The following RFPL2 variants were observed in gnomAD, a reference collection of about 807,000 sequenced individuals.
RFPL2 encodes the protein ret finger protein-like 2.
RFPL2 carries 13 observed loss-of-function variants against 17.8 expected under a neutral mutation model. The observed-to-expected ratio is 0.73, with a 90% CI of 0.47 to 1.16. The LOEUF is 1.16. RFPL2 is among the 50% of genes most tolerant of loss of function. The pLI is 0.00. For missense variants in RFPL2, 431 were observed against 479.3 expected (o/e 0.90, Z 0.94); for synonymous variants, 189 against 180.9 (o/e 1.04, Z -0.36).
At position 32,191,024 on chromosome 22, in the gene RFPL2, A is replaced by G. The variant is rs1338873245; in HGVS notation, c.885T>C (p.Thr295=). 2 of 1,613,756 alleles carry G rather than the reference A, an allele frequency of 1.2e-6. No homozygotes were observed. Among genetic ancestry groups the G allele is most frequent in the Admixed American group, 1.7e-5 (1 of 59,980 alleles). ...GTAACTTGCGGTCTACGAAGAGGAA[A>G]GTCAGCGGCACCGTGGTGGCAGAGA... ...GRLSATTVPL[T]FLFVDRKLQR... Residue 295 remains threonine (T), a synonymous_variant, in exon 5 of 5, where the codon ACT becomes ACC. Coordinates refer to ENST00000652607, the MANE Select transcript of RFPL2 (RefSeq NM_001394555.1).
rs12484899 is a variant in RFPL2 at position 32,192,349 on chromosome 22, C to T, written c.556+553G>A. On this transcript the variant is annotated intron_variant, in intron 4 of 4. Transcript: ENST00000652607. ...CCAGGACCACTGTTGAAGCCCATGG[C>T]GCATGGATGAGGAGAACACTGTCTG... is the stretch of plus-strand genomic sequence containing the variant. Among the ~76,000 whole-genome samples, 1,437 of 152,276 alleles carry T rather than the reference C, an allele frequency of 9.4e-3. 79 individuals carry two copies. The highest frequency in any genetic ancestry group is 0.086 in the Admixed American group (1,318 of 15,298).
At chr22:32,204,403 G>A (rs1924322484) in intron 1 of RFPL2, among the ~76,000 whole-genome samples, 1 of 152,132 alleles carries the variant, frequency 6.6e-6, no homozygotes, top group South Asian at 2.1e-4. Context: ...CCGTGCTGTA[G>A]GCAGTGCAGC....
intron 2 of RFPL2, among the ~76,000 whole-genome samples, chr22:32,199,500 A>T (rs900376597): frequency 2.0e-5 from 3 of 152,126 alleles, no homozygotes; most frequent in African/African-American, 7.2e-5. Context: ...AAACAGAGCT[A>T]TTAGGTGAGA....
At chr22:32,198,439 G>A (rs1923574164) in intron 2 of RFPL2, among the ~76,000 whole-genome samples, 1 of 151,644 alleles carries the variant, frequency 6.6e-6, no homozygotes, top group Non-Finnish European at 1.5e-5. Flanking sequence ...TGCCCACCGG[G>A]GTCAGTGGTT....
Position 32,202,533 on chromosome 22 carries a change from A to G in RFPL2, c.-82T>C. The G allele has an allele frequency of 6.5e-7, 1 of 1,535,912 alleles. No homozygotes were observed. The highest frequency in any genetic ancestry group is 8.8e-7 in the Non-Finnish European group (1 of 1,141,772). The stretch of plus-strand genomic sequence containing the variant: ...TTCTCAGGGCACTGGGCATCCGGGC[A>G]GACAAAGCCAGAAAAGCCTAGAACA... On this transcript the variant is annotated 5_prime_UTR_variant, in exon 2 of 5. Coordinates refer to ENST00000652607, the MANE Select transcript of RFPL2 (RefSeq NM_001394555.1).
chr22:32,198,076 A>T (rs959950032), intron 2 of RFPL2, among the ~76,000 whole-genome samples: 10 of 152,030 alleles, frequency 6.6e-5, no homozygotes, highest in African/African-American at 2.4e-4. Flanking sequence ...GGACCTTCCC[A>T]CGGCTGCTGA....
Position 32,193,927 on chromosome 22 carries a change from T to C in RFPL2, c.265+418A>G, listed in dbSNP as rs552697410. ...GTAGCTCACATCTGTAATCCCAGCATTTTGCGAGGCCGAGGCAGGAAGATC... is the reference window on the plus strand; with the variant it reads ...GTAGCTCACATCTGTAATCCCAGCACTTTGCGAGGCCGAGGCAGGAAGATC... On this transcript the variant is annotated intron_variant, in intron 3 of 4. Transcript: ENST00000652607. Among the ~76,000 whole-genome samples the C allele has an allele frequency of 6.5e-3, 965 of 149,106 alleles. 6 individuals are homozygous for C. The highest frequency in any genetic ancestry group is 0.01 in the Non-Finnish European group (691 of 67,506).
At chr22:32,197,399 C>CT (rs898047894) in intron 2 of RFPL2, among the ~76,000 whole-genome samples, 4 of 149,944 alleles carry the variant, frequency 2.7e-5, no homozygotes, top group South Asian at 2.1e-4. Context: ...TTTTTTTTTT[C>CT]TTTTTTTTTA....
At chr22:32,203,175 G>T in intron 1 of RFPL2, 1 of 820,474 alleles carries the variant, frequency 1.2e-6, no homozygotes, top group Non-Finnish European at 1.5e-6. Flanking sequence ...AATGGCGCTG[G>T]CAGCCTGCCC....
Position 32,190,755 on chromosome 22 carries a change from T to C in RFPL2, c.*17A>G, listed in dbSNP as rs754612537. Reference sequence around the variant, plus strand: ...GTAATTTTCTTACCCTGTTTTTTGTTTTTTTGGAGTGAGGGCTTATTTGGC... The same window carrying C: ...GTAATTTTCTTACCCTGTTTTTTGTCTTTTTGGAGTGAGGGCTTATTTGGC... On this transcript the variant is annotated 3_prime_UTR_variant, in exon 5 of 5. Coordinates refer to ENST00000652607, the MANE Select transcript of RFPL2 (RefSeq NM_001394555.1). 4.0e-6 allele frequency: 6 copies of C among 1,501,512 alleles called. No homozygotes were observed. The highest frequency in any genetic ancestry group is 5.3e-6 in the Non-Finnish European group (6 of 1,126,022). The allele number at this position is 1,501,512 out of a possible 1,614,324, so 93.0% of individuals were successfully genotyped here.
chr22:32,203,919 T>C (rs1603214570), intron 1 of RFPL2, among the ~76,000 whole-genome samples: 2 of 112,216 alleles, frequency 1.8e-5, no homozygotes, highest in Admixed American at 9.5e-5. Flanking sequence ...CGCCCCCCAC[T>C]ACATGCGGTG....
intron 1 of RFPL2, 124 bp from the exon 2 acceptor site, chr22:32,202,674 C>G (rs1201701385): frequency 3.7e-6 from 5 of 1,357,404 alleles, no homozygotes; most frequent in Non-Finnish European, 4.7e-6. Flanking sequence ...CTCCTTTTAG[C>G]GCAAGCTGGC....
At chr22:32,200,944 A>G (rs1923852567) in intron 2 of RFPL2, among the ~76,000 whole-genome samples, 1 of 152,102 alleles carries the variant, frequency 6.6e-6, no homozygotes, top group Non-Finnish European at 1.5e-5. Flanking sequence ...AAACACACAC[A>G]AAAGGCCGGC....
At chr22:32,198,980 G>C (rs1242605486) in intron 2 of RFPL2, among the ~76,000 whole-genome samples, 2 of 152,206 alleles carry the variant, frequency 1.3e-5, no homozygotes, top group East Asian at 3.9e-4. Flanking sequence ...AGAATGAGAG[G>C]CTTGAGGGAG....
chr22:32,203,039 C>G (rs1308999194), intron 1 of RFPL2: 3 of 985,634 alleles, frequency 3.0e-6, no homozygotes, highest in Non-Finnish European at 3.6e-6. Flanking sequence ...AGGAGGTGGC[C>G]GGGAAGAGGA....
intron 2 of RFPL2, among the ~76,000 whole-genome samples, chr22:32,195,700 C>T (rs147800053): frequency 1.2e-3 from 180 of 152,108 alleles, no homozygotes; most frequent in African/African-American, 3.8e-3. Flanking sequence ...TCAGGTAACC[C>T]GCCCGCCTTG....
Position 32,190,726 on chromosome 22 carries a change from C to A in RFPL2, c.*46G>T. On this transcript the variant is annotated 3_prime_UTR_variant, in exon 5 of 5. Transcript: ENST00000652607. ...GTAGAGCGTTCCTAAGTCTACCCAC[C>A]CAAGTAATTTTCTTACCCTGTTTTT... 1.3e-6 allele frequency: 2 copies of A among 1,492,842 alleles called. No individual in the cohort carries two copies. Among genetic ancestry groups the A allele is most frequent in the Non-Finnish European group, 1.8e-6 (2 of 1,120,264 alleles). 92.5% of individuals were successfully genotyped at this position (1,492,842 alleles called of 1,614,324 possible).
chr22:32,191,273 G>T lies in RFPL2; in HGVS notation c.636C>A (p.Arg212=). The change falls in exon 5 of 5, where the codon CGC becomes CGA. Residue 212 remains arginine (R), a synonymous_variant. Transcript: ENST00000652607. ...SDDLRSVRSG[R]IRQNRQDLAE... Reference sequence around the variant, plus strand: ...CAAGGTCTTGCCGATTCTGTCTGATGCGCCCACTTCGGACGCTCCTGAGGT... The same window carrying T: ...CAAGGTCTTGCCGATTCTGTCTGATTCGCCCACTTCGGACGCTCCTGAGGT... 6.2e-7 allele frequency: 1 copy of T among 1,613,992 alleles called. No individual in the cohort carries two copies. Among genetic ancestry groups the T allele is most frequent in the Non-Finnish European group, 8.5e-7 (1 of 1,179,874 alleles).
intron 2 of RFPL2, among the ~76,000 whole-genome samples, chr22:32,195,667 A>G (rs1923247880): frequency 6.6e-6 from 1 of 151,376 alleles, no homozygotes; most frequent in Admixed American, 6.6e-5. Flanking sequence ...CATTTTGTCC[A>G]GGCTGGTCTT....
Sources: gnomAD v4.1 joint callset for allele counts (sites outside exome capture counted in the v4.1 genomes callset) on GRCh38, gnomAD v4.1.1 for gene constraint, MANE v1.5 for transcripts, NCBI Gene and HGNC (gene_info 2026-07-23, HGNC 2026-07-21) for gene names.